Variants in COL9A1 observed in about 807,000 individuals in gnomAD.
The protein encoded by COL9A1 is collagen alpha-1(IX) chain.
A neutral mutation model predicts 142.6 loss-of-function variants in COL9A1; 104 were observed. The ratio of observed to expected loss-of-function variants is 0.73; its 90% CI spans 0.62 to 0.86. The LOEUF is 0.86. Among genes scored for constraint, COL9A1 ranks in the 40% least tolerant of loss-of-function variants. The pLI is 0.00. For synonymous variants in COL9A1, 466 were observed against 396.0 expected, an observed-to-expected ratio of 1.18 and a Z score of -2.10; for missense variants, 1,210 against 1,176.6, an observed-to-expected ratio of 1.03 and a Z score of -0.42.
intron 5 of COL9A1, 93 bp downstream of exon 5, chr6:70,294,074 T>C (rs1773754649): frequency 1.3e-6 from 2 of 1,491,304 alleles, no homozygotes; most frequent in Admixed American, 1.7e-5. Context: ...TGGGACATGC[T>C]GCACTCAGCT....
chr6:70,294,269 G>A lies in COL9A1; in HGVS notation c.594C>T (p.Cys198=), dbSNP rs367745745. ...TTATAGGTAAAGATTCAATCCTGTT[G>A]CAGTCAACAAAAAGAGTAGCACTAC... The part of the protein sequence containing the change: ...ERSSATLFVD[C]NRIESLPIKP... The change falls in exon 5 of 38, where the codon TGC becomes TGT. Residue 198 remains cysteine, a synonymous_variant. Coordinates refer to ENST00000357250, the MANE Select transcript of COL9A1 (RefSeq NM_001851.6). The A allele has an allele frequency of 2.8e-5, 46 of 1,614,038 alleles. No homozygotes were observed. The highest frequency in any genetic ancestry group is 3.9e-5 in the Non-Finnish European group (46 of 1,179,970).
At chr6:70,273,882 T>G in intron 12 of COL9A1, 165 bp downstream of exon 12, 1 of 314,110 alleles carries the variant, frequency 3.2e-6, no homozygotes, top group Non-Finnish European at 5.6e-6. Context: ...TGTCATCAAC[T>G]TATTTCTCAT....
At chr6:70,274,196 TTA>T in intron 11 of COL9A1, 114 bp from the exon 12 acceptor site, 1 of 784,328 alleles carries the variant, frequency 1.3e-6, no homozygotes, top group Non-Finnish European at 2.0e-6. Context: ...TTTTTTTTTT[TTA>T]AATTTCCAAC....
At chr6:70,228,183 T>C (rs1349895284) in intron 36 of COL9A1, among the ~76,000 whole-genome samples, 1 of 152,114 alleles carries the variant, frequency 6.6e-6, no homozygotes, top group Non-Finnish European at 1.5e-5. Flanking sequence ...ACTGACTCAT[T>C]GTTTATAGGG....
At chr6:70,228,391 G>T (rs2127554650) in intron 36 of COL9A1, among the ~76,000 whole-genome samples, 1 of 152,184 alleles carries the variant, frequency 6.6e-6, no homozygotes, top group South Asian at 2.1e-4. Context: ...GATGTCTGCT[G>T]CTCTTTGTTG....
At chr6:70,291,825 G>T (rs1469494718) in intron 5 of COL9A1, among the ~76,000 whole-genome samples, 1 of 152,138 alleles carries the variant, frequency 6.6e-6, no homozygotes, top group Non-Finnish European at 1.5e-5. Flanking sequence ...AGTTGGCATA[G>T]CAGAAGATAA....
chr6:70,281,099 C>A, intron 8 of COL9A1, 60 bp from the exon 9 acceptor site: 1 of 1,411,728 alleles, frequency 7.1e-7, no homozygotes, highest in Non-Finnish European at 9.8e-7. Context: ...GAGGACCCCA[C>A]TGGGACAATC....
intron 5 of COL9A1, among the ~76,000 whole-genome samples, chr6:70,287,091 C>T (rs1047508730): frequency 3.2e-4 from 48 of 152,144 alleles, no homozygotes; most frequent in African/African-American, 1.1e-3. Flanking sequence ...ATATAACACG[C>T]GCATATATGT....
chr6:70,270,456 C>T (rs993807315), intron 14 of COL9A1, 89 bp from the exon 15 acceptor site: 1 of 1,243,746 alleles, frequency 8.0e-7, no homozygotes, highest in Non-Finnish European at 1.1e-6. Context: ...AATGGTATTA[C>T]TGGAAACCCC....
intron 37 of COL9A1, among the ~76,000 whole-genome samples, chr6:70,220,976 A>G (rs921643682): frequency 2.6e-5 from 4 of 152,240 alleles, no homozygotes; most frequent in Non-Finnish European, 4.4e-5. Context: ...TGGATATACT[A>G]ATTACCCTAA....
chr6:70,267,548 C>G (rs976220287), intron 17 of COL9A1, among the ~76,000 whole-genome samples: 1 of 151,998 alleles, frequency 6.6e-6, no homozygotes, highest in Non-Finnish European at 1.5e-5. Flanking sequence ...TCTCGAACTC[C>G]CAACGTCAGG....
At chr6:70,240,839 A>G in intron 31 of COL9A1, 106 bp from the exon 32 acceptor site, 2 of 875,354 alleles carry the variant, frequency 2.3e-6, no homozygotes, top group Admixed American at 1.7e-5. Context: ...GTGTTCCCAG[A>G]ATCATGCAGA....
chr6:70,282,936 G>A lies in COL9A1; in HGVS notation c.781-18C>T, dbSNP rs1217350552. The A allele has an allele frequency of 6.2e-7, 1 of 1,614,076 alleles. No homozygotes were observed. Among genetic ancestry groups the A allele is most frequent in the Non-Finnish European group, 8.5e-7 (1 of 1,180,040 alleles). On this transcript the variant is annotated intron_variant, in intron 6 of 37. Transcript: ENST00000357250. ...TGGCTGGGCTGGAGAAGAAAAGATG[G>A]GGAGAAAGTGAGAAAAGCACCCCTC...
intron 33 of COL9A1, among the ~76,000 whole-genome samples, chr6:70,235,408 G>A (rs775322317): frequency 2.6e-5 from 4 of 152,070 alleles, no homozygotes; most frequent in African/African-American, 9.7e-5. Flanking sequence ...AGCGGAGATC[G>A]TGCCACTGTA....
At chr6:70,240,203 C>G (rs1203769209) in intron 32 of COL9A1, among the ~76,000 whole-genome samples, 1 of 152,190 alleles carries the variant, frequency 6.6e-6, no homozygotes, top group African/African-American at 2.4e-5. Context: ...ACAGCCTCCT[C>G]TGGAGATGGA....
At position 70,300,397 on chromosome 6, in the gene COL9A1, G is replaced by A; in HGVS notation, c.89-11C>T. 6.4e-7 allele frequency: 1 copy of A among 1,558,036 alleles called. No individual in the cohort carries two copies. Among genetic ancestry groups the A allele is most frequent in the East Asian group, 2.2e-5 (1 of 44,596 alleles). On this transcript the variant is annotated splice_polypyrimidine_tract_variant and intron_variant, in intron 2 of 37. Coordinates refer to ENST00000357250, the MANE Select transcript of COL9A1 (RefSeq NM_001851.6). ...AATTGACAGGGAATCCTGCAAAAGAGATAGCATGTCATTCTACTTCATCCA... is the reference window on the plus strand; with the variant it reads ...AATTGACAGGGAATCCTGCAAAAGAAATAGCATGTCATTCTACTTCATCCA...
intron 3 of COL9A1, 27 bp from the exon 4 acceptor site, chr6:70,300,202 AG>A: frequency 6.2e-7 from 1 of 1,613,600 alleles, no homozygotes; most frequent in Non-Finnish European, 8.5e-7. Context: ...CAAAATGAAA[AG>A]TCTAAAATGA....
At chr6:70,245,257 T>C (rs545301832) in intron 28 of COL9A1, among the ~76,000 whole-genome samples, 17 of 152,334 alleles carry the variant, frequency 1.1e-4, no homozygotes, top group African/African-American at 3.8e-4. Flanking sequence ...TTTCATCTAC[T>C]AAGCTAAGAT....
In COL9A1 at chr6:70,219,579, A is replaced by C. The variant is rs188572138; in HGVS notation, c.2582-2498T>G. On this transcript the variant is annotated intron_variant, in intron 37 of 37. Coordinates refer to ENST00000357250, the MANE Select transcript of COL9A1 (RefSeq NM_001851.6). Reference sequence around the variant, plus strand: ...CTGTTTTTACCAGATGAAAACGTAAAGTACAAATGCAATGAAATTTGGCCA... The same window carrying C: ...CTGTTTTTACCAGATGAAAACGTAACGTACAAATGCAATGAAATTTGGCCA... Among the ~76,000 whole-genome samples, 603 of 152,356 alleles carry C rather than the reference A, an allele frequency of 4.0e-3. 7 individuals carry two copies. Among genetic ancestry groups the C allele is most frequent in the Non-Finnish European group, 4.9e-3 (330 of 68,028 alleles).
Sources: allele counts gnomAD v4.1 joint callset (sites outside exome capture counted in the v4.1 genomes callset), GRCh38; gene constraint gnomAD v4.1.1; transcripts MANE v1.5; gene names NCBI Gene and HGNC (gene_info 2026-07-23, HGNC 2026-07-21).